Variants in CAMTA2 observed in about 807,000 individuals in gnomAD.
CAMTA2 encodes the protein calmodulin binding transcription activator 2.
A neutral mutation model predicts 135.7 loss-of-function variants in CAMTA2; 56 were observed. The ratio of observed to expected loss-of-function variants is 0.41; its 90% CI spans 0.33 to 0.52. The LOEUF is 0.52. Among genes scored for constraint, CAMTA2 ranks in the 20% least tolerant of loss-of-function variants. CAMTA2 has a pLI of 0.16. For synonymous variants in CAMTA2, 591 were observed against 604.6 expected, an observed-to-expected ratio of 0.98 and a Z score of 0.33; for missense variants, 1,358 against 1,553.4, an observed-to-expected ratio of 0.87 and a Z score of 2.11.
intron 16 of CAMTA2, among the ~76,000 whole-genome samples, chr17:4,971,885 C>T (rs550724529): frequency 9.9e-5 from 15 of 152,022 alleles, no homozygotes; most frequent in Non-Finnish European, 1.8e-4. Context: ...GAGGGGGTTT[C>T]GCCATGTTGC....
rs1443628856 is a variant in CAMTA2, at chr17:4,968,939, C to T, written c.3513G>A (p.Lys1171=). ...GGCAGCGCCGCAGGAATCTCATGAT[C>T]TTCCGGGCTGCCTGGTCCTGCTTCT... ...LTKKQDQAAR[K]IMRFLRRCRH... Residue 1171 remains lysine (K), a synonymous_variant, in exon 22 of 23, where the codon AAG becomes AAA. Coordinates refer to ENST00000348066, the MANE Select transcript of CAMTA2 (RefSeq NM_015099.4). 2 of 1,614,190 alleles carry T rather than the reference C, an allele frequency of 1.2e-6. No individual in the cohort carries two copies. Among genetic ancestry groups the T allele is most frequent in the African/African-American group, 2.7e-5 (2 of 75,054 alleles).
At chr17:4,977,307 G>T in intron 10 of CAMTA2, 115 bp from the exon 11 acceptor site, 1 of 1,337,738 alleles carries the variant, frequency 7.5e-7, no homozygotes, top group Non-Finnish European at 1.0e-6. Flanking sequence ...CCTGCTGTGG[G>T]CCAAGAGGCC....
rs2151186902 is a variant in CAMTA2, at chr17:4,980,142, G to GC, written c.1179dup (p.Gln394AlafsTer54). The GC allele has an allele frequency of 6.3e-7, 1 of 1,594,390 alleles. No homozygotes were observed. Among genetic ancestry groups the GC allele is most frequent in the Non-Finnish European group, 8.6e-7 (1 of 1,169,344 alleles). Reference sequence around the variant, plus strand: ...TCGGGGAAGTCTGGGCTTACTCCCTGCCCCCCTCCATATGTCTGGCCCCTC... The same window carrying GC: ...TCGGGGAAGTCTGGGCTTACTCCCTGCCCCCCCTCCATATGTCTGGCCCCTC... On this transcript the variant is annotated frameshift_variant, in exon 9 of 23. Coordinates refer to ENST00000348066, the MANE Select transcript of CAMTA2 (RefSeq NM_015099.4). LOFTEE classifies it high-confidence loss of function. This position sits in a 1 kb window ranked among gnomAD's most constrained non-coding sequence, Gnocchi z 5.3.
At position 4,969,425 on chromosome 17, in the gene CAMTA2, G is replaced by A. The variant is rs775092210; in HGVS notation, c.3282+75C>T. On this transcript the variant is annotated intron_variant, in intron 20 of 22. Coordinates refer to ENST00000348066, the MANE Select transcript of CAMTA2 (RefSeq NM_015099.4). This position sits in a 1 kb window ranked among gnomAD's most constrained non-coding sequence, Gnocchi z 5.6. The stretch of plus-strand genomic sequence containing the variant: ...GCTCACCCAAGTTAGGCTGATGCAA[G>A]ACTCTCTGTAACCCACACACTCAAG... The A allele has an allele frequency of 3.1e-6, 5 of 1,607,478 alleles. No homozygotes were observed. Among genetic ancestry groups the A allele is most frequent in the Non-Finnish European group, 2.6e-6 (3 of 1,174,100 alleles).
At chr17:4,979,551 T>G in intron 9 of CAMTA2, 133 bp downstream of exon 9, 1 of 515,004 alleles carries the variant, frequency 1.9e-6, no homozygotes, top group East Asian at 3.2e-5. Context: ...GGTAGAGGAC[T>G]AAGAAGCCTA....
chr17:4,986,166 A>T, intron 2 of CAMTA2, 26 bp downstream of exon 2: 2 of 1,405,298 alleles, frequency 1.4e-6, no homozygotes, highest in Non-Finnish European at 2.0e-6. Context: ...CTGTGGCCAC[A>T]TTGGGAACCT....
At chr17:4,974,320 G>A in intron 12 of CAMTA2, 65 bp downstream of exon 12, 1 of 1,034,886 alleles carries the variant, frequency 9.7e-7, no homozygotes. Flanking sequence ...GGCACTAGAT[G>A]TTTTCTTTAG....
rs374538074 is a variant in CAMTA2 at position 4,969,022 on chromosome 17, G to A, written c.3471-41C>T. On this transcript the variant is annotated intron_variant, in intron 21 of 22. Coordinates refer to ENST00000348066, the MANE Select transcript of CAMTA2 (RefSeq NM_015099.4). This position sits in a 1 kb window ranked among gnomAD's most constrained non-coding sequence, Gnocchi z 5.6. ...AAAGATGGACCTCACAGAAGGCATC[G>A]CATGCCTTCGGCCCCCCCAGGAACC... 17 of 1,590,392 alleles carry A rather than the reference G, an allele frequency of 1.1e-5. No individual in the cohort carries two copies. The East Asian group carries it at 3.4e-4, about 31-fold the overall frequency.
rs373482165 is a variant in CAMTA2 at position 4,978,585 on chromosome 17, C to G, written c.1684G>C (p.Glu562Gln). Residue 562 changes from glutamate to glutamine, a missense_variant, in exon 10 of 23, where the codon GAG (glutamate) becomes CAG (glutamine). Glu to Gln is a conservative substitution (Grantham distance 29). Around this residue, in one of 4 missense-constraint regions of CAMTA2, gnomAD observed 1,077 missense variants for 1,127.5 expected, o/e 0.96. Coordinates refer to ENST00000348066, the MANE Select transcript of CAMTA2 (RefSeq NM_015099.4). ...LITGPWTEAA[E>Q]HYSCVFDHIA... ...TGATCAAAGACACAGGAGTAATGCT[C>G]GGCGGCTTCGGTCCAAGGACCTGTG... 1 of 1,614,156 alleles carries G rather than the reference C, an allele frequency of 6.2e-7. No homozygotes were observed. The highest frequency in any genetic ancestry group is 1.7e-5 in the Admixed American group (1 of 60,028).
At chr17:4,982,715 G>C (rs750579675) in intron 5 of CAMTA2, 42 bp downstream of exon 5, 2 of 1,610,552 alleles carry the variant, frequency 1.2e-6, no homozygotes, top group Admixed American at 1.7e-5. Context: ...GGGTGGAGGA[G>C]GGCAGGCTCG....
chr17:4,975,023 C>T (rs1204374636), intron 11 of CAMTA2, among the ~76,000 whole-genome samples: 2 of 152,094 alleles, frequency 1.3e-5, no homozygotes, highest in Non-Finnish European at 2.9e-5. Flanking sequence ...TGGTGGGGGA[C>T]GGAAGGTGAC....
Position 4,982,737 on chromosome 17 carries a change from T to C in CAMTA2, c.339+20A>G, listed in dbSNP as rs1051710638. 1 of 1,613,424 alleles carries C rather than the reference T, an allele frequency of 6.2e-7. No homozygotes were observed. The highest frequency in any genetic ancestry group is 1.3e-5 in the African/African-American group (1 of 74,936). On this transcript the variant is annotated intron_variant, in intron 5 of 22. Coordinates refer to ENST00000348066, the MANE Select transcript of CAMTA2 (RefSeq NM_015099.4). ...GGAGGGCAGGCTCGGGAAGATGAGC[T>C]GAATATCTGACTCTCTTACCTCCAT... is the stretch of plus-strand genomic sequence containing the variant.
At chr17:4,976,781 T>G (rs1490737940) in intron 11 of CAMTA2, among the ~76,000 whole-genome samples, 1 of 152,212 alleles carries the variant, frequency 6.6e-6, no homozygotes. Flanking sequence ...ACCCTGTCCC[T>G]GCCCTGCCTC....
Position 4,986,459 on chromosome 17 carries a change from C to T in CAMTA2, c.-64-173G>A, listed in dbSNP as rs1286628600. The T allele has an allele frequency of 1.6e-5, 9 of 577,364 alleles. No homozygotes were observed. In the East Asian group the frequency reaches 1.7e-4, roughly 11 times the overall value. 35.8% of individuals were successfully genotyped at this position (577,364 alleles called of 1,614,324 possible). On this transcript the variant is annotated intron_variant, in intron 1 of 22. Transcript: ENST00000348066. ...AGAAGAGAGAACAACACACAGTGCC[C>T]GGAGCCAATATGAGTGAGCAGACTG...
At chr17:4,976,768 T>C (rs1167919933) in intron 11 of CAMTA2, among the ~76,000 whole-genome samples, 1 of 152,154 alleles carries the variant, frequency 6.6e-6, no homozygotes, top group Non-Finnish European at 1.5e-5. Context: ...TATATTGCTC[T>C]AGACCCTGTC....
Position 4,969,026 on chromosome 17 carries a change from G to A in CAMTA2, c.3471-45C>T. 6.2e-7 allele frequency: 1 copy of A among 1,600,646 alleles called. No individual in the cohort carries two copies. Among genetic ancestry groups the A allele is most frequent in the Non-Finnish European group, 8.5e-7 (1 of 1,170,348 alleles). On this transcript the variant is annotated intron_variant, in intron 21 of 22. Transcript: ENST00000348066. This position sits in a 1 kb window ranked among gnomAD's most constrained non-coding sequence, Gnocchi z 5.6. ...ATGGACCTCACAGAAGGCATCGCAT[G>A]CCTTCGGCCCCCCCAGGAACCCTAG... is the stretch of plus-strand genomic sequence containing the variant.
Position 4,968,473 on chromosome 17 carries a change from G to T in CAMTA2, c.*283C>A. The stretch of plus-strand genomic sequence containing the variant: ...GAGTCGGGTGCAGGCAGGAGGAGCT[G>T]GGGAGCAGGGGCAGGCAGGGCTCCG... On this transcript the variant is annotated 3_prime_UTR_variant, in exon 23 of 23. Coordinates refer to ENST00000348066, the MANE Select transcript of CAMTA2 (RefSeq NM_015099.4). 1 of 556,348 alleles carries T rather than the reference G, an allele frequency of 1.8e-6. No homozygotes were observed. The highest frequency in any genetic ancestry group is 3.0e-5 in the East Asian group (1 of 33,462). The allele number at this position is 556,348 out of a possible 1,614,324, so 34.5% of individuals were successfully genotyped here.
At position 4,969,866 on chromosome 17, in the gene CAMTA2, G is replaced by C; in HGVS notation, c.3189+36C>G. On this transcript the variant is annotated intron_variant, in intron 18 of 22. Coordinates refer to ENST00000348066, the MANE Select transcript of CAMTA2 (RefSeq NM_015099.4). The surrounding 1 kb of genome is among the most constrained non-coding windows in gnomAD (Gnocchi z 5.6). ...GGGAGCCCAGTCTCCCCTGACTGGA[G>C]ATTGTGTAATTCATCCTGAGACCCC... 6.2e-7 allele frequency: 1 copy of C among 1,609,450 alleles called. No homozygotes were observed. Among genetic ancestry groups the C allele is most frequent in the East Asian group, 2.2e-5 (1 of 44,794 alleles).
rs1230615187 is a variant in CAMTA2, at chr17:4,972,222, T to C, written c.2808+10A>G. On this transcript the variant is annotated intron_variant, in intron 16 of 22. Coordinates refer to ENST00000348066, the MANE Select transcript of CAMTA2 (RefSeq NM_015099.4). Reference sequence around the variant, plus strand: ...TCTAGCCCCCATAACTCCATCAATATAAGCAGTACCGGGATCACATCCACA... The same window carrying C: ...TCTAGCCCCCATAACTCCATCAATACAAGCAGTACCGGGATCACATCCACA... 3.1e-6 allele frequency: 5 copies of C among 1,608,406 alleles called. No individual in the cohort carries two copies. Among genetic ancestry groups the C allele is most frequent in the South Asian group, 1.1e-5 (1 of 90,754 alleles).
Sources: gnomAD v4.1 joint callset for allele counts (sites outside exome capture counted in the v4.1 genomes callset) on GRCh38, gnomAD v4.1.1 for gene constraint, gnomAD v4.1.1 regional missense constraint, Gnocchi (gnomAD v3.1) non-coding constraint, MANE v1.5 for transcripts, NCBI Gene and HGNC (gene_info 2026-07-23, HGNC 2026-07-21) for gene names.